TTC23L: variants seen among roughly 807,000 people sequenced by gnomAD.
TTC23L encodes tetratricopeptide repeat protein 23-like.
TTC23L carries 42 observed loss-of-function variants against 48.1 expected under a neutral mutation model. The observed-to-expected ratio is 0.87, with a 90% CI of 0.68 to 1.13. TTC23L has a LOEUF of 1.13. Ranked by LOEUF, TTC23L falls within the 50% of genes most tolerant of loss-of-function variation. The pLI, the probability that TTC23L is intolerant of heterozygous loss-of-function variation, is 0.00. For missense variants in TTC23L, 391 were observed against 421.0 expected, an observed-to-expected ratio of 0.93 and a Z score of 0.62; for synonymous variants, 159 against 157.2, an observed-to-expected ratio of 1.01 and a Z score of -0.09.
At chr5:34,915,935 G>A in the TTC23L span, 22 of 1,499,116 alleles carry the variant, frequency 1.5e-5, no homozygotes, top group Non-Finnish European at 2.0e-5. Context: ...CTGCGGCGGC[G>A]GCTCTGTGCG....
At chr5:34,887,401 A>G (rs147631011) in intron 9 of TTC23L, among the ~76,000 whole-genome samples, 288 of 152,302 alleles carry the variant, frequency 1.9e-3, no homozygotes, top group African/African-American at 6.5e-3. Flanking sequence ...TGAAATGAGC[A>G]GGGGTTCCAG....
chr5:34,901,022 CTG>C (rs897602037), downstream of TTC23L, among the ~76,000 whole-genome samples: 7 of 152,262 alleles, frequency 4.6e-5, no homozygotes, highest in African/African-American at 1.4e-4. Flanking sequence ...TTTCTCTGGA[CTG>C]TGAATGGCAC....
chr5:34,870,326 A>C (rs990480831), intron 8 of TTC23L, among the ~76,000 whole-genome samples: 8 of 152,172 alleles, frequency 5.3e-5, no homozygotes. Flanking sequence ...ATAAAAGAAG[A>C]GTTTGATAGA....
At chr5:34,915,212 G>C in the TTC23L span, among the ~76,000 whole-genome samples, 3 of 152,226 alleles carry the variant, frequency 2.0e-5, no homozygotes, top group Non-Finnish European at 4.4e-5. Context: ...GTATCTCCCG[G>C]CCAAACAGGA....
chr5:34,840,238 G>GGC (rs1229747691), intron 1 of TTC23L, among the ~76,000 whole-genome samples: 1 of 31,990 alleles, frequency 3.1e-5, no homozygotes, highest in Non-Finnish European at 7.2e-5. Context: ...AAATGACCCC[G>GGC]GGGGGGGGGG....
At chr5:34,884,136 C>T (rs535538340) in intron 9 of TTC23L, among the ~76,000 whole-genome samples, 7 of 152,012 alleles carry the variant, frequency 4.6e-5, no homozygotes, top group African/African-American at 1.7e-4. Context: ...ACCACCTTAA[C>T]AGAATGAAGG....
chr5:34,846,600 T>TATATACAC lies in TTC23L; in HGVS notation c.255+928_255+929insTATACACA, dbSNP rs61009546. ...AAATATATATATATATATATATATA[T>TATATACAC]ACACACACATATATATACACACACA... On this transcript the variant is annotated intron_variant, in intron 3 of 10. Transcript: ENST00000505624. Among the ~76,000 whole-genome samples, 122 of 92,896 alleles carry TATATACAC rather than the reference T, an allele frequency of 1.3e-3. 9 individuals are homozygous for TATATACAC. The highest frequency in any genetic ancestry group is 6.0e-3 in the African/African-American group (115 of 19,202). 60.9% of individuals were successfully genotyped at this position (92,896 alleles called of 152,430 possible). A position where few individuals can be genotyped will look rare whatever the true frequency, so the allele number is the denominator to read the frequency against.
chr5:34,907,217 C>T, the TTC23L span: 1 of 152,144 alleles, frequency 6.6e-6, no homozygotes, highest in Non-Finnish European at 1.5e-5. Flanking sequence ...TAGGGCATTC[C>T]AATATATCCT....
At chr5:34,883,223 G>A (rs1285486265) in intron 9 of TTC23L, 1 of 161,662 alleles carries the variant, frequency 6.2e-6, no homozygotes, top group Non-Finnish European at 1.4e-5. Flanking sequence ...TACCCCACAA[G>A]TGTTACCATG....
chr5:34,884,138 G>A (rs771521403), intron 9 of TTC23L, among the ~76,000 whole-genome samples: 1 of 152,048 alleles, frequency 6.6e-6, no homozygotes, highest in Non-Finnish European at 1.5e-5. Context: ...CACCTTAACA[G>A]AATGAAGGAT....
At chr5:34,914,196 C>A in the TTC23L span, among the ~76,000 whole-genome samples, 1 of 152,174 alleles carries the variant, frequency 6.6e-6, no homozygotes, top group Non-Finnish European at 1.5e-5. Context: ...AAAAAATACT[C>A]TTTAGTAATA....
intron 3 of TTC23L, among the ~76,000 whole-genome samples, chr5:34,846,789 T>G (rs1276244303): frequency 1.3e-5 from 2 of 149,612 alleles, no homozygotes; most frequent in African/African-American, 2.5e-5. Flanking sequence ...TGAGAACAGG[T>G]AGGCAGGCAG....
chr5:34,864,428 C>G lies in TTC23L; in HGVS notation c.537-9C>G. 6.2e-6 allele frequency: 10 copies of G among 1,613,292 alleles called. No homozygotes were observed. The highest frequency in any genetic ancestry group is 1.3e-5 in the African/African-American group (1 of 74,998). On this transcript the variant is annotated splice_polypyrimidine_tract_variant and intron_variant, in intron 5 of 10. Transcript: ENST00000505624. ...TTTGAGTGCTTGCCATTTTCCTTGACTATTTCACTGGCAGAGAAGCCTATT... is the reference window on the plus strand; with the variant it reads ...TTTGAGTGCTTGCCATTTTCCTTGAGTATTTCACTGGCAGAGAAGCCTATT...
chr5:34,852,246 C>A (rs1014760874), intron 4 of TTC23L, among the ~76,000 whole-genome samples: 2 of 152,164 alleles, frequency 1.3e-5, no homozygotes, highest in East Asian at 3.9e-4. Flanking sequence ...ATATGTTGAT[C>A]TAAGGCATAG....
chr5:34,915,337 C>T, the TTC23L span: 1 of 245,282 alleles, frequency 4.1e-6, no homozygotes, highest in African/African-American at 2.3e-5. Flanking sequence ...CCAAGAGTCC[C>T]AGACAACCCC....
chr5:34,915,172 T>C, the TTC23L span, among the ~76,000 whole-genome samples: 1 of 151,986 alleles, frequency 6.6e-6, no homozygotes, highest in Non-Finnish European at 1.5e-5. Context: ...CGTGAAAAGT[T>C]GTGAAGAATG....
chr5:34,923,488 G>T, the TTC23L span: 3 of 429,910 alleles, frequency 7.0e-6, no homozygotes, highest in Non-Finnish European at 8.5e-6. Context: ...ATGTTGGCCA[G>T]GCTGGTCTCA....
intron 7 of TTC23L, chr5:34,867,328 G>C: frequency 2.0e-6 from 1 of 494,280 alleles, no homozygotes; most frequent in Non-Finnish European, 3.6e-6. Flanking sequence ...TCTTATCTCT[G>C]TTGGTGCTGT....
chr5:34,880,610 A>T (rs868831747), intron 9 of TTC23L: 32 of 428,754 alleles, frequency 7.5e-5, no homozygotes, highest in Non-Finnish European at 1.4e-4. Context: ...ATTGGCAGCC[A>T]TATGTTTGCT....
Sources: gnomAD v4.1 joint callset for allele counts (sites outside exome capture counted in the v4.1 genomes callset) on GRCh38, gnomAD v4.1.1 for gene constraint, MANE v1.5 for transcripts, NCBI Gene and HGNC (gene_info 2026-07-23, HGNC 2026-07-21) for gene names.